The following ZNG1E variants were observed in gnomAD, a reference collection of about 807,000 sequenced individuals.
ZNG1E encodes the protein zinc-regulated GTPase metalloprotein activator 1E.
At chr9:65,700,028 T>C in the ZNG1E span, among the ~76,000 whole-genome samples, 1 of 150,406 alleles carries the variant, frequency 6.6e-6, no homozygotes, top group East Asian at 1.9e-4. Flanking sequence ...AATCTGAACT[T>C]GCATAGTAAT....
chr9:65,661,762 A>C, the ZNG1E span, among the ~76,000 whole-genome samples: 1 of 152,232 alleles, frequency 6.6e-6, no homozygotes. Context: ...TAAGCTAAAG[A>C]GATTAATTGT....
At chr9:65,657,807 G>T in the ZNG1E span, among the ~76,000 whole-genome samples, 1 of 152,402 alleles carries the variant, frequency 6.6e-6, no homozygotes, top group South Asian at 2.1e-4. Flanking sequence ...TTGTATACTT[G>T]CATTAAAATG....
the ZNG1E span, chr9:65,703,194 AGTACATTTGCCT>A: frequency 1.9e-6 from 1 of 534,052 alleles, no homozygotes; most frequent in Non-Finnish European, 3.0e-6. Flanking sequence ...ATATTTGGCT[AGTACATTTGCCT>A]GTCTTCAAAA....
chr9:65,709,530 G>C, the ZNG1E span, among the ~76,000 whole-genome samples: 44 of 121,236 alleles, frequency 3.6e-4, no homozygotes, highest in East Asian at 2.9e-3. Context: ...AGTCCCCAGA[G>C]TGTGATGTTC....
chr9:65,680,910 G>A, the ZNG1E span, among the ~76,000 whole-genome samples: 23 of 152,252 alleles, frequency 1.5e-4, no homozygotes, highest in African/African-American at 3.4e-4. Flanking sequence ...TGCCTCAGCC[G>A]CCTGAGTAGC....
the ZNG1E span, among the ~76,000 whole-genome samples, chr9:65,659,513 A>AAG: frequency 2.0e-5 from 3 of 148,194 alleles, no homozygotes; most frequent in East Asian, 2.0e-4. Flanking sequence ...AAAAAAAAAA[A>AAG]AGAGAGAGAA....
the ZNG1E span, chr9:65,704,418 T>C: frequency 8.4e-4 from 265 of 315,258 alleles, 2 homozygotes; most frequent in South Asian, 1.7e-3. Context: ...CTTCAGTGTA[T>C]GGTTCTTGCC....
the ZNG1E span, among the ~76,000 whole-genome samples, chr9:65,666,945 C>T: frequency 9.9e-5 from 15 of 152,222 alleles, no homozygotes; most frequent in Admixed American, 5.2e-4. Flanking sequence ...CTCAGCCTCC[C>T]GAGTAGCTGG....
the ZNG1E span, among the ~76,000 whole-genome samples, chr9:65,676,946 A>C: frequency 2.9e-3 from 412 of 142,786 alleles, 6 homozygotes; most frequent in African/African-American, 0.011. Flanking sequence ...TGTTTCCGGG[A>C]AATAATATTC....
chr9:65,722,491 AATT>A, the ZNG1E span, among the ~76,000 whole-genome samples: 3 of 77,832 alleles, frequency 3.9e-5, no homozygotes, highest in African/African-American at 1.6e-4. Flanking sequence ...TTTAGTGTAC[AATT>A]CAATGTTTGG....
At chr9:65,657,891 G>A in the ZNG1E span, among the ~76,000 whole-genome samples, 16,603 of 135,968 alleles carry the variant, frequency 0.12, 1 homozygote, top group East Asian at 0.24. Context: ...ACCTGAGGTC[G>A]GGAGTTTGAG....
At chr9:65,672,698 G>C in the ZNG1E span, among the ~76,000 whole-genome samples, 15 of 148,540 alleles carry the variant, frequency 1.0e-4, no homozygotes, top group African/African-American at 3.8e-4. Context: ...AGCCAAGATC[G>C]TGCCACTGCA....
the ZNG1E span, among the ~76,000 whole-genome samples, chr9:65,659,026 T>C: frequency 6.6e-6 from 1 of 152,056 alleles, no homozygotes; most frequent in African/African-American, 2.4e-5. Context: ...TGGTGGAAAG[T>C]GGGGCAGGGG....
chr9:65,727,561 A>G, the ZNG1E span, among the ~76,000 whole-genome samples: 2 of 133,080 alleles, frequency 1.5e-5, no homozygotes, highest in East Asian at 2.0e-4. Flanking sequence ...GGACCAAGAC[A>G]TTTCATGCAA....
the ZNG1E span, among the ~76,000 whole-genome samples, chr9:65,665,946 C>A: frequency 0.076 from 7,832 of 103,140 alleles, no homozygotes; most frequent in Non-Finnish European, 0.095. Context: ...ATGCTGTACC[C>A]CCATTATATC....
At chr9:65,663,018 A>C in the ZNG1E span, among the ~76,000 whole-genome samples, 2 of 152,268 alleles carry the variant, frequency 1.3e-5, no homozygotes, top group Admixed American at 6.5e-5. Context: ...GAACATTTAC[A>C]TTCTGGCAAC....
At chr9:65,681,956 T>C in the ZNG1E span, 2 of 457,112 alleles carry the variant, frequency 4.4e-6, no homozygotes, top group Non-Finnish European at 8.1e-6. Flanking sequence ...AAATGATTAT[T>C]CTGAATTTAA....
the ZNG1E span, among the ~76,000 whole-genome samples, chr9:65,684,913 G>A: frequency 8.3e-4 from 126 of 152,180 alleles, no homozygotes; most frequent in African/African-American, 2.7e-3. Context: ...GTTTTGGCCG[G>A]GTGTGATGTG....
At chr9:65,654,575 A>AG in the ZNG1E span, among the ~76,000 whole-genome samples, 1 of 117,420 alleles carries the variant, frequency 8.5e-6, no homozygotes, top group Non-Finnish European at 1.8e-5. Context: ...AGCAAGAGAG[A>AG]GGGGAGGAGT....
Sources: gnomAD v4.1 joint callset for allele counts (sites outside exome capture counted in the v4.1 genomes callset) on GRCh38, gnomAD v4.1.1 for gene constraint, MANE v1.5 for transcripts, NCBI Gene and HGNC (gene_info 2026-07-23, HGNC 2026-07-21) for gene names.